Variants in UGGT2 observed in about 807,000 individuals in gnomAD.
UGGT2 encodes UDP-glucose:glycoprotein glucosyltransferase 2.
UGGT2 carries 180 observed loss-of-function variants against 192.1 expected under a neutral mutation model. That is an observed-to-expected ratio of 0.94 (90% confidence interval 0.83 to 1.06). UGGT2 has a LOEUF of 1.06. Ranked by LOEUF, UGGT2 falls within the 50% of genes least tolerant of loss-of-function variation. The pLI is 0.00. For synonymous variants in UGGT2, 580 were observed against 591.0 expected, an observed-to-expected ratio of 0.98 and a Z score of 0.27; for missense variants, 1,849 against 1,795.7, an observed-to-expected ratio of 1.03 and a Z score of -0.54.
chr13:96,002,200 T>G (rs2051829025), intron 5 of UGGT2, among the ~76,000 whole-genome samples: 1 of 152,240 alleles, frequency 6.6e-6, no homozygotes, highest in Non-Finnish European at 1.5e-5. Context: ...CTGCCTTATC[T>G]GACAGAGAAT....
chr13:95,848,930 T>C (rs1888744765), intron 36 of UGGT2, among the ~76,000 whole-genome samples: 1 of 152,200 alleles, frequency 6.6e-6, no homozygotes, highest in Non-Finnish European at 1.5e-5. Context: ...CCTCTTCATG[T>C]ATTTCAGTGT....
At chr13:95,943,165 C>T (rs2049748802) in intron 15 of UGGT2, among the ~76,000 whole-genome samples, 1 of 152,084 alleles carries the variant, frequency 6.6e-6, no homozygotes, top group South Asian at 2.1e-4. Context: ...CCTTCAAAGT[C>T]TCACCCATTT....
At chr13:96,032,228 C>T (rs2052859393) in intron 1 of UGGT2, among the ~76,000 whole-genome samples, 1 of 151,728 alleles carries the variant, frequency 6.6e-6, no homozygotes. Context: ...TTGGCTTTTC[C>T]TTGTTATTAG....
intron 36 of UGGT2, among the ~76,000 whole-genome samples, chr13:95,838,499 T>C (rs544500060): frequency 1.3e-5 from 2 of 152,082 alleles, no homozygotes; most frequent in African/African-American, 2.4e-5. Context: ...CAACACAATA[T>C]TGAAGAATAA....
At position 95,837,146 on chromosome 13, in the gene UGGT2, C is replaced by T; in HGVS notation, c.4341G>A (p.Trp1447Ter). 3 of 1,614,064 alleles carry T rather than the reference C, an allele frequency of 1.9e-6. No homozygotes were observed. Among genetic ancestry groups the T allele is most frequent in the South Asian group, 2.2e-5 (2 of 91,082 alleles). The change falls in exon 37 of 39, where the codon TGG (tryptophan) becomes TGA (stop). Residue 1447 changes from tryptophan (W) to a stop codon, truncating the protein, a stop_gained. Transcript: ENST00000376747. LOFTEE classifies it high-confidence loss of function. ...QVAIKSLPQD[W>*]LWCETWCDDE... ...CATCACACCAGGTTTCACACCACAG[C>T]CAGTCTTGAGGAAGAGACTTAATGG...
intron 1 of UGGT2, among the ~76,000 whole-genome samples, chr13:96,049,746 A>G (rs2053429590): frequency 6.6e-6 from 1 of 152,206 alleles, no homozygotes; most frequent in South Asian, 2.1e-4. Flanking sequence ...CAAAGAGAAT[A>G]AAATACCTAG....
chr13:95,877,948 C>T, intron 27 of UGGT2, 92 bp from the exon 28 acceptor site: 1 of 1,332,380 alleles, frequency 7.5e-7, no homozygotes, highest in Non-Finnish European at 1.0e-6. Flanking sequence ...TTAATATTGG[C>T]CAATGTATTT....
chr13:95,928,712 T>G (rs2049132777), intron 17 of UGGT2, among the ~76,000 whole-genome samples: 1 of 142,400 alleles, frequency 7.0e-6, no homozygotes, highest in African/African-American at 2.7e-5. Context: ...CTTCCCAGAC[T>G]GGGCGGCTGG....
intron 34 of UGGT2, 27 bp downstream of exon 34, chr13:95,856,131 A>C (rs374143073): frequency 7.6e-5 from 119 of 1,561,840 alleles, no homozygotes; most frequent in Middle Eastern, 3.4e-4. Flanking sequence ...TTTGCGTATT[A>C]CTAAAAATAG....
At chr13:95,946,812 T>C (rs2049886191) in intron 15 of UGGT2, among the ~76,000 whole-genome samples, 1 of 152,190 alleles carries the variant, frequency 6.6e-6, no homozygotes, top group African/African-American at 2.4e-5. Flanking sequence ...TTCAAATATC[T>C]TGGTAGAACC....
chr13:95,937,563 C>T (rs886189885), intron 16 of UGGT2, among the ~76,000 whole-genome samples: 2 of 152,178 alleles, frequency 1.3e-5, no homozygotes, highest in African/African-American at 4.8e-5. Flanking sequence ...ATCCTGCCAC[C>T]TGCATTAGGC....
intron 1 of UGGT2, among the ~76,000 whole-genome samples, chr13:96,043,335 C>T (rs2053218479): frequency 6.6e-6 from 1 of 152,142 alleles, no homozygotes; most frequent in South Asian, 2.1e-4. Context: ...TTTGCCACTA[C>T]CAATCCAGCA....
At chr13:95,932,476 A>T (rs906590864) in intron 17 of UGGT2, among the ~76,000 whole-genome samples, 1 of 152,190 alleles carries the variant, frequency 6.6e-6, no homozygotes, top group Admixed American at 6.5e-5. Flanking sequence ...TAAGTAATTT[A>T]TCAGTTCTAG....
intron 38 of UGGT2, among the ~76,000 whole-genome samples, chr13:95,819,824 A>G (rs1885311060): frequency 6.6e-6 from 1 of 152,202 alleles, no homozygotes; most frequent in Non-Finnish European, 1.5e-5. Context: ...AATGTAGAAA[A>G]ACAGGAGAAA....
chr13:96,051,915 T>C (rs1047268101), intron 1 of UGGT2, among the ~76,000 whole-genome samples: 13 of 152,134 alleles, frequency 8.5e-5, no homozygotes, highest in Non-Finnish European at 1.8e-4. Flanking sequence ...TGGAAAACAG[T>C]GTGGGGAGTC....
rs568308261 is a variant in UGGT2 at position 95,987,842 on chromosome 13, G to A, written c.932-1410C>T. Among the ~76,000 whole-genome samples the A allele has an allele frequency of 1.2e-4, 18 of 152,106 alleles. No individual in the cohort carries two copies. In the South Asian group the frequency reaches 2.1e-3, roughly 18 times the overall value. Reference sequence around the variant, plus strand: ...GGACTGCATACTTTGTTTGCCCCCCGCATCCACTCTTTCCTGCTCCGGGCC... The same window carrying A: ...GGACTGCATACTTTGTTTGCCCCCCACATCCACTCTTTCCTGCTCCGGGCC... On this transcript the variant is annotated intron_variant, in intron 8 of 38. Transcript: ENST00000376747.
Position 95,950,493 on chromosome 13 carries a change from C to G in UGGT2, c.1336-1039G>C, listed in dbSNP as rs1290894507. On this transcript the variant is annotated intron_variant, in intron 12 of 38. Transcript: ENST00000376747. ...CTGGCACTGAGGATACCAGAACAAA[C>G]CTTAGCTCTTTGCTTCTACAGCTTT... 1.3e-5 allele frequency among the ~76,000 whole-genome samples: 2 copies of G among 150,928 alleles called. 1 individual carries two copies.
At chr13:95,899,735 T>A (rs915459681) in intron 22 of UGGT2, among the ~76,000 whole-genome samples, 7 of 152,080 alleles carry the variant, frequency 4.6e-5, no homozygotes, top group Non-Finnish European at 1.0e-4. Context: ...CTGTATTTCC[T>A]CCCAAAGTAA....
chr13:95,912,603 G>T (rs1229361981), intron 20 of UGGT2, among the ~76,000 whole-genome samples: 2 of 152,182 alleles, frequency 1.3e-5, no homozygotes, highest in Admixed American at 1.3e-4. Context: ...CAAACAAATG[G>T]AAGAATATTC....
Sources: allele counts gnomAD v4.1 joint callset (sites outside exome capture counted in the v4.1 genomes callset), GRCh38; gene constraint gnomAD v4.1.1; transcripts MANE v1.5; gene names NCBI Gene and HGNC (gene_info 2026-07-23, HGNC 2026-07-21).